MYO5B: variants seen among roughly 807,000 people sequenced by gnomAD.
MYO5B encodes unconventional myosin-Vb.
MYO5B carries 143 observed loss-of-function variants against 229.3 expected under a neutral mutation model. The observed-to-expected ratio is 0.62, with a 90% CI of 0.54 to 0.72. The LOEUF (loss-of-function observed/expected upper bound fraction) is 0.72, where lower values mean the gene tolerates loss of function less well. MYO5B is among the 30% of genes least tolerant of loss of function. MYO5B has a pLI of 0.00. For missense variants in MYO5B, 2,321 were observed against 2,331.0 expected, an observed-to-expected ratio of 1.00 and a Z score of 0.09; for synonymous variants, 918 against 885.2, an observed-to-expected ratio of 1.04 and a Z score of -0.66.
intron 14 of MYO5B, among the ~76,000 whole-genome samples, chr18:49,946,956 G>T (rs528940864): frequency 7.4e-6 from 1 of 135,970 alleles, no homozygotes; most frequent in Non-Finnish European, 1.6e-5. Context: ...GTAGACATCC[G>T]CAAAAGACCC....
At chr18:49,951,296 C>G (rs1331314222) in intron 14 of MYO5B, among the ~76,000 whole-genome samples, 1 of 152,142 alleles carries the variant, frequency 6.6e-6, no homozygotes, top group Non-Finnish European at 1.5e-5. Context: ...GTGAATCTTC[C>G]TAGCAAATGG....
chr18:50,191,796 G>A (rs2033231251), intron 1 of MYO5B, among the ~76,000 whole-genome samples: 1 of 152,158 alleles, frequency 6.6e-6, no homozygotes, highest in Non-Finnish European at 1.5e-5. Flanking sequence ...TAACAAGTAT[G>A]AATGGGATCT....
chr18:49,896,486 G>A (rs2024780724), intron 21 of MYO5B, among the ~76,000 whole-genome samples: 1 of 152,198 alleles, frequency 6.6e-6, no homozygotes, highest in African/African-American at 2.4e-5. Flanking sequence ...TAGGGCACAG[G>A]GAGGGAACAC....
At chr18:49,963,193 C>T (rs1323671895) in intron 10 of MYO5B, among the ~76,000 whole-genome samples, 163 bp from the exon 11 acceptor site, 2 of 152,070 alleles carry the variant, frequency 1.3e-5, no homozygotes, top group Non-Finnish European at 2.9e-5. Context: ...GTTAGCACTA[C>T]ACAGAGCCTA....
intron 1 of MYO5B, among the ~76,000 whole-genome samples, chr18:50,084,039 GA>G (rs2031275917): frequency 6.6e-6 from 1 of 152,118 alleles, no homozygotes. Flanking sequence ...GTTTATCATG[GA>G]ACCTCTTCTA....
chr18:49,922,442 T>A (rs1568032064), intron 17 of MYO5B, among the ~76,000 whole-genome samples: 1 of 152,220 alleles, frequency 6.6e-6, no homozygotes, highest in Non-Finnish European at 1.5e-5. Flanking sequence ...AATGCCATCC[T>A]ACATGCTGTG....
At chr18:50,096,827 C>T (rs1359060145) in intron 1 of MYO5B, among the ~76,000 whole-genome samples, 1 of 152,158 alleles carries the variant, frequency 6.6e-6, no homozygotes, top group African/African-American at 2.4e-5. Flanking sequence ...TGCTGGAGCT[C>T]CCTAGGTCCA....
intron 39 of MYO5B, among the ~76,000 whole-genome samples, chr18:49,828,072 A>G (rs1049053923): frequency 3.0e-4 from 45 of 152,184 alleles, no homozygotes; most frequent in African/African-American, 7.7e-4. Flanking sequence ...TTGTCCCTCC[A>G]TAACTACAGG....
rs888019349 is a variant in MYO5B at position 49,894,970 on chromosome 18, G to A, written c.3016C>T (p.His1006Tyr). The A allele has an allele frequency of 6.2e-7, 1 of 1,613,414 alleles. No homozygotes were observed. The highest frequency in any genetic ancestry group is 1.3e-5 in the African/African-American group (1 of 75,044). ...HSERKILEDA[H>Y]SREKDELRKR... ...CTCAGCTCATCTTTCTCCCTGCTGT[G>A]GGCGTCCTCCAAGATCTTGCGCTCC... The change falls in exon 22 of 40, where the codon CAC becomes TAC. Residue 1006 changes from histidine to tyrosine, a missense_variant. Physicochemically the swap from His to Tyr is moderately conservative, Grantham distance 83 (BLOSUM62 2). This residue lies in a region of MYO5B where 2,113 missense variants were observed against 2,044.7 expected (regional missense o/e 1.03). Coordinates refer to ENST00000285039, the MANE Select transcript of MYO5B (RefSeq NM_001080467.3).
intron 4 of MYO5B, among the ~76,000 whole-genome samples, chr18:50,030,435 C>T (rs918429365): frequency 6.6e-6 from 1 of 152,150 alleles, no homozygotes; most frequent in African/African-American, 2.4e-5. Flanking sequence ...CTCCTGTTTA[C>T]CAAGAGGGAC....
chr18:50,082,324 T>C (rs76345618), intron 1 of MYO5B, among the ~76,000 whole-genome samples: 1 of 152,374 alleles, frequency 6.6e-6, no homozygotes, highest in Non-Finnish European at 1.5e-5. Flanking sequence ...AGCTCAAGTG[T>C]GTTATGGACC....
intron 9 of MYO5B, among the ~76,000 whole-genome samples, chr18:49,978,358 T>C (rs1483766736): frequency 2.6e-5 from 4 of 151,926 alleles, no homozygotes; most frequent in South Asian, 2.1e-4. Flanking sequence ...GTGTGGAGGG[T>C]CAACTATAAG....
chr18:49,900,003 T>C (rs2094678098), intron 21 of MYO5B, among the ~76,000 whole-genome samples: 1 of 152,244 alleles, frequency 6.6e-6, no homozygotes, highest in African/African-American at 2.4e-5. Context: ...ATGCTAGATT[T>C]ATTTTTATCC....
chr18:50,124,760 C>T (rs537222291), intron 1 of MYO5B, among the ~76,000 whole-genome samples: 2 of 152,014 alleles, frequency 1.3e-5, no homozygotes, highest in African/African-American at 4.8e-5. Flanking sequence ...ACATCTCTCC[C>T]CCCGCCCCAC....
At chr18:50,015,952 T>C (rs2144350446) in intron 4 of MYO5B, among the ~76,000 whole-genome samples, 1 of 152,352 alleles carries the variant, frequency 6.6e-6, no homozygotes, top group African/African-American at 2.4e-5. Context: ...TTGAGCACTA[T>C]GGGCTCTAAG....
At chr18:49,954,022 ATATGTGTGTGTGTGTGTGTGTG>A (rs1411526846) in intron 13 of MYO5B, among the ~76,000 whole-genome samples, 21 of 129,810 alleles carry the variant, frequency 1.6e-4, no homozygotes, top group African/African-American at 3.3e-4. Context: ...GTATGTATTT[ATATGTGTGTGTGTGTGTGTGTG>A]TGTGTGTGTG....
At chr18:49,854,230 C>A (rs1362433992) in intron 30 of MYO5B, among the ~76,000 whole-genome samples, 1 of 152,176 alleles carries the variant, frequency 6.6e-6, no homozygotes, top group African/African-American at 2.4e-5. Context: ...ATACAAGTTT[C>A]CTCCAGCCAA....
At chr18:49,930,676 A>G (rs1226371918) in intron 16 of MYO5B, among the ~76,000 whole-genome samples, 1 of 152,130 alleles carries the variant, frequency 6.6e-6, no homozygotes, top group Non-Finnish European at 1.5e-5. Flanking sequence ...GTGGATCACA[A>G]GGTCAGGAGA....
chr18:49,997,705 C>T (rs2026004510), intron 5 of MYO5B, among the ~76,000 whole-genome samples: 1 of 152,116 alleles, frequency 6.6e-6, no homozygotes, highest in Non-Finnish European at 1.5e-5. Flanking sequence ...CATCCCAGTG[C>T]ACCCCAGCCA....
Sources: gnomAD v4.1 joint callset for allele counts (sites outside exome capture counted in the v4.1 genomes callset) on GRCh38, gnomAD v4.1.1 for gene constraint, gnomAD v4.1.1 regional missense constraint, MANE v1.5 for transcripts, NCBI Gene and HGNC (gene_info 2026-07-23, HGNC 2026-07-21) for gene names.